MCUB: variants seen among roughly 807,000 people sequenced by gnomAD.
MCUB encodes mitochondrial calcium uniporter dominant negative subunit beta.
A neutral mutation model predicts 41.4 loss-of-function variants in MCUB; 46 were observed. That is an observed-to-expected ratio of 1.11 (90% CI 0.88 to 1.42). The LOEUF is 1.42. Among genes scored for constraint, MCUB ranks in the 40% most tolerant of loss-of-function variants. The pLI is 0.00. For missense variants in MCUB, 403 were observed against 404.9 expected (o/e 1.00, Z 0.04); for synonymous variants, 148 against 148.2 (o/e 1.00, Z 0.01).
chr4:109,586,911 G>T (rs1727319941), intron 1 of MCUB, among the ~76,000 whole-genome samples: 1 of 152,232 alleles, frequency 6.6e-6, no homozygotes, highest in African/African-American at 2.4e-5. Flanking sequence ...CTACACGGAG[G>T]TCAGGGACCC....
intron 1 of MCUB, among the ~76,000 whole-genome samples, chr4:109,615,093 T>G (rs918615489): frequency 6.6e-6 from 1 of 152,220 alleles, no homozygotes; most frequent in African/African-American, 2.4e-5. Context: ...AAACTCTCTT[T>G]TCTACTCTGC....
In MCUB at chr4:109,560,317, C is replaced by CCG; in HGVS notation, c.-15_-14dup. 2.5e-6 allele frequency: 3 copies of CCG among 1,210,194 alleles called. No homozygotes were observed. Among genetic ancestry groups the CCG allele is most frequent in the Non-Finnish European group, 2.1e-6 (2 of 962,364 alleles). The allele number at this position is 1,210,194 out of a possible 1,614,324, so 75.0% of individuals were successfully genotyped here. On this transcript the variant is annotated 5_prime_UTR_variant, in exon 1 of 8. Coordinates refer to ENST00000394650, the MANE Select transcript of MCUB (RefSeq NM_017918.5). ...GATGCGCCGCTGACGCCTGCGGGAG[C>CCG]CGCGCGCCTGGGGCGGGAGGATGCT...
At chr4:109,668,183 C>A (rs1038391403) in intron 4 of MCUB, among the ~76,000 whole-genome samples, 5 of 151,998 alleles carry the variant, frequency 3.3e-5, no homozygotes, top group Non-Finnish European at 7.4e-5. Context: ...CAACTGTATA[C>A]CCCGTGATTT....
intron 1 of MCUB, among the ~76,000 whole-genome samples, chr4:109,634,770 G>A (rs1375392963): frequency 6.6e-6 from 1 of 152,088 alleles, no homozygotes; most frequent in Non-Finnish European, 1.5e-5. Context: ...AGATAGAAAG[G>A]AAAAGGGGTC....
intron 1 of MCUB, among the ~76,000 whole-genome samples, chr4:109,563,148 C>T (rs938039904): frequency 2.0e-5 from 3 of 152,198 alleles, no homozygotes; most frequent in Admixed American, 2.0e-4. Context: ...TACATCTGAA[C>T]AGAAAGCCCT....
chr4:109,687,557 C>T lies in MCUB; in HGVS notation c.976C>T (p.Gln326Ter). 1 of 1,612,080 alleles carries T rather than the reference C, an allele frequency of 6.2e-7. No individual in the cohort carries two copies. ...LKQARHSLCL[Q>*]MQVEELNEKN ...ACAGGCGCGTCATTCTCTCTGTTTG[C>T]AAATGCAAGTAGAAGAACTCAATGA... Residue 326 changes from glutamine (Q) to a stop codon, truncating the protein, a stop_gained, in exon 8 of 8, where the codon CAA (glutamine) becomes TAA (stop). Transcript: ENST00000394650. LOFTEE classifies it high-confidence loss of function.
chr4:109,610,929 A>AT (rs1727995377), intron 1 of MCUB, among the ~76,000 whole-genome samples: 1 of 152,154 alleles, frequency 6.6e-6, no homozygotes, highest in South Asian at 2.1e-4. Context: ...CCGTACCCAG[A>AT]TCCATAGGCC....
intron 1 of MCUB, among the ~76,000 whole-genome samples, chr4:109,570,590 T>C (rs1392328007): frequency 2.6e-5 from 4 of 152,244 alleles, no homozygotes; most frequent in African/African-American, 9.6e-5. Flanking sequence ...TCCAATAAAC[T>C]TTATTTTCAG....
At chr4:109,682,392 CTT>C (rs1325231188) in intron 4 of MCUB, among the ~76,000 whole-genome samples, 188 bp from the exon 5 acceptor site, 1 of 151,290 alleles carries the variant, frequency 6.6e-6, no homozygotes, top group Non-Finnish European at 1.5e-5. Context: ...CTGTGACTCT[CTT>C]TGTTGAAAAG....
chr4:109,604,520 G>T (rs1377129689), intron 1 of MCUB, among the ~76,000 whole-genome samples: 1 of 151,920 alleles, frequency 6.6e-6, no homozygotes, highest in Non-Finnish European at 1.5e-5. Flanking sequence ...TCATTCTCTG[G>T]TCTGATTGCT....
At chr4:109,677,970 T>A (rs1463842734) in intron 4 of MCUB, among the ~76,000 whole-genome samples, 2 of 151,940 alleles carry the variant, frequency 1.3e-5, no homozygotes, top group Admixed American at 1.3e-4. Context: ...TGCGGCCTTC[T>A]GCAGTGTTTG....
chr4:109,568,189 G>A (rs187487583), intron 1 of MCUB, among the ~76,000 whole-genome samples: 2 of 152,092 alleles, frequency 1.3e-5, no homozygotes, highest in Non-Finnish European at 2.9e-5. Flanking sequence ...TCTGTAACTC[G>A]GCTTCGGGAA....
intron 1 of MCUB, among the ~76,000 whole-genome samples, chr4:109,600,503 TA>T (rs1727705724): frequency 6.6e-6 from 1 of 152,220 alleles, no homozygotes; most frequent in Admixed American, 6.5e-5. Context: ...GACCATAGGT[TA>T]AAAGCCATTT....
intron 1 of MCUB, among the ~76,000 whole-genome samples, chr4:109,657,864 G>A (rs1258227297): frequency 6.6e-6 from 1 of 152,278 alleles, no homozygotes; most frequent in South Asian, 2.1e-4. Context: ...AACTTTCTGT[G>A]ATGATAGAAA....
In MCUB at chr4:109,681,587, A is replaced by G. The variant is rs138464461; in HGVS notation, c.452-995A>G. On this transcript the variant is annotated intron_variant, in intron 4 of 7. Transcript: ENST00000394650. ...TTGGGCCATGCAGTGTTACAGCTCT[A>G]TTAGAAGTCGTGGGTCACGGAAGAC... The G allele has an allele frequency of 1.0e-4, 33 of 325,832 alleles. No homozygotes were observed. In the East Asian group the frequency reaches 3.2e-3, roughly 31 times the overall value. 20.2% of individuals were successfully genotyped at this position (325,832 alleles called of 1,614,324 possible). A position where few individuals can be genotyped will look rare whatever the true frequency, so the allele number is the denominator to read the frequency against.
chr4:109,579,054 T>C (rs1402256234), intron 1 of MCUB, among the ~76,000 whole-genome samples: 1 of 152,234 alleles, frequency 6.6e-6, no homozygotes, highest in African/African-American at 2.4e-5. Context: ...TTGTCACTGA[T>C]ACACTATACA....
At chr4:109,608,674 T>G (rs1413110736) in intron 1 of MCUB, among the ~76,000 whole-genome samples, 3 of 145,820 alleles carry the variant, frequency 2.1e-5, no homozygotes, top group Non-Finnish European at 3.1e-5. Flanking sequence ...ATTATTATTG[T>G]TTTTTTTTTA....
Position 109,667,428 on chromosome 4 carries a change from A to C in MCUB, c.451+3034A>C, listed in dbSNP as rs142999985. ...TTAATGTCCATGGGATCTGTAGTTA[A>C]ATCCTCTCATTTCATTTCTACCATG... On this transcript the variant is annotated intron_variant, in intron 4 of 7. Transcript: ENST00000394650. Among the ~76,000 whole-genome samples, 1,024 of 151,874 alleles carry C rather than the reference A, an allele frequency of 6.7e-3. 8 individuals are homozygous for C. Among genetic ancestry groups the C allele is most frequent in the African/African-American group, 0.023 (960 of 41,478 alleles).
At chr4:109,598,350 T>C (rs369091482) in intron 1 of MCUB, among the ~76,000 whole-genome samples, 3 of 152,032 alleles carry the variant, frequency 2.0e-5, no homozygotes, top group Non-Finnish European at 4.4e-5. Flanking sequence ...CCCGGCACCT[T>C]GGGAGGCCGA....
Sources: allele counts gnomAD v4.1 joint callset (sites outside exome capture counted in the v4.1 genomes callset), GRCh38; gene constraint gnomAD v4.1.1; transcripts MANE v1.5; gene names NCBI Gene and HGNC (gene_info 2026-07-23, HGNC 2026-07-21).